The following NPC1 variants were observed in gnomAD, a reference collection of about 807,000 sequenced individuals.
NPC1 encodes Niemann-Pick C1 protein.
A neutral mutation model predicts 140.4 loss-of-function variants in NPC1; 85 were observed. The observed-to-expected ratio is 0.61, with a 90% CI of 0.51 to 0.72. The LOEUF is 0.72. Ranked by LOEUF, NPC1 falls within the 30% of genes least tolerant of loss-of-function variation. The pLI is 0.00. For synonymous variants in NPC1, 656 were observed against 624.8 expected, an observed-to-expected ratio of 1.05 and a Z score of -0.74; for missense variants, 1,504 against 1,623.8, an observed-to-expected ratio of 0.93 and a Z score of 1.27.
downstream of NPC1, chr18:23,528,063 G>T (rs377528902): frequency 9.6e-4 from 554 of 577,426 alleles, 4 homozygotes; most frequent in South Asian, 0.011. Context: ...GATAGTGGAG[G>T]AGTAGTAAAT....
chr18:23,586,385 T>C lies in NPC1; in HGVS notation c.-42A>G, dbSNP rs1401322114. The C allele has an allele frequency of 7.8e-6, 12 of 1,530,420 alleles. No individual in the cohort carries two copies. In the East Asian group the frequency reaches 9.9e-5, roughly 13 times the overall value. 94.8% of individuals were successfully genotyped at this position (1,530,420 alleles called of 1,614,324 possible). A position where few individuals can be genotyped will look rare whatever the true frequency, so the allele number is the denominator to read the frequency against. On this transcript the variant is annotated 5_prime_UTR_variant, in exon 1 of 25. Transcript: ENST00000269228. ...GCTGCTGACGCCGGCGGCGTTCGGC[T>C]GGTTGGGCTCCCCGGAGGCGGCTCT...
At chr18:23,526,498 A>C, downstream of NPC1, 1 of 1,001,308 alleles carries the variant, frequency 1.0e-6, no homozygotes, top group Non-Finnish European at 1.4e-6. Flanking sequence ...TTGGTTAGGA[A>C]GGAAAAGCTA....
intron 1 of NPC1, among the ~76,000 whole-genome samples, chr18:23,580,940 A>T (rs2059349166): frequency 6.6e-6 from 1 of 152,244 alleles, no homozygotes; most frequent in African/African-American, 2.4e-5. Flanking sequence ...ACCTGGCATG[A>T]ACGTATCTAC....
intron 6 of NPC1, among the ~76,000 whole-genome samples, chr18:23,558,329 T>A (rs1018984408): frequency 1.3e-5 from 2 of 152,182 alleles, no homozygotes; most frequent in Non-Finnish European, 2.9e-5. Flanking sequence ...TGATCAAGGT[T>A]AACATCACCA....
chr18:23,558,803 T>C (rs920255313), intron 6 of NPC1, among the ~76,000 whole-genome samples: 1 of 152,214 alleles, frequency 6.6e-6, no homozygotes, highest in Admixed American at 6.5e-5. Context: ...ACGTGTGCCA[T>C]GTTGATGTGT....
chr18:23,556,613 C>G lies in NPC1; in HGVS notation c.956G>C (p.Gly319Ala). The G allele has an allele frequency of 6.2e-7, 1 of 1,613,950 alleles. No homozygotes were observed. The highest frequency in any genetic ancestry group is 8.5e-7 in the Non-Finnish European group (1 of 1,179,946). The change falls in exon 8 of 25, where the codon GGA becomes GCA. Residue 319 changes from glycine (G) to alanine (A), a missense_variant and splice_region_variant. Gly to Ala is a moderately conservative substitution (Grantham distance 60). Transcript: ENST00000269228. Reference sequence around the variant, plus strand: ...GACAGGGTCACAGCAGGACGCCTCTCCTGGAAGAACGGGAGAGGAAGGGAA... The same window carrying G: ...GACAGGGTCACAGCAGGACGCCTCTGCTGGAAGAACGGGAGAGGAAGGGAA... ...IAFSVNASDK[G>A]EASCCDPVSA...
chr18:23,538,790 C>G, intron 19 of NPC1, 119 bp from the exon 20 acceptor site: 1 of 1,062,604 alleles, frequency 9.4e-7, no homozygotes, highest in Non-Finnish European at 1.4e-6. Context: ...ACTTTCCTTA[C>G]TAGTGAGGGA....
intron 3 of NPC1, among the ~76,000 whole-genome samples, chr18:23,514,292 A>G (rs887790489): frequency 6.6e-6 from 1 of 152,160 alleles, no homozygotes; most frequent in Non-Finnish European, 1.5e-5. Flanking sequence ...GAGGTGGGCG[A>G]TCATCTGAGG....
chr18:23,547,918 A>G, intron 11 of NPC1, 88 bp downstream of exon 11: 1 of 843,364 alleles, frequency 1.2e-6, no homozygotes, highest in South Asian at 1.3e-5. Context: ...CCATTGGTTA[A>G]TTTAGAAAAT....
At chr18:23,563,528 C>T (rs1286648533) in intron 4 of NPC1, among the ~76,000 whole-genome samples, 2 of 152,112 alleles carry the variant, frequency 1.3e-5, no homozygotes, top group South Asian at 2.1e-4. Context: ...CTCAAGTGAT[C>T]CTCCCACTTC....
At chr18:23,508,880 A>C (rs1750114741) in intron 3 of NPC1, 1 of 163,270 alleles carries the variant, frequency 6.1e-6, no homozygotes, top group South Asian at 2.0e-4. Context: ...GGTGACTAAG[A>C]ATGTTGGCAG....
At position 23,544,385 on chromosome 18, in the gene NPC1, C is replaced by T; in HGVS notation, c.2089G>A (p.Val697Ile). 1.9e-6 allele frequency: 3 copies of T among 1,614,206 alleles called. No homozygotes were observed. The highest frequency in any genetic ancestry group is 2.5e-6 in the Non-Finnish European group (3 of 1,180,042). The change falls in exon 13 of 25, where the codon GTT becomes ATT. Residue 697 changes from valine to isoleucine, a missense_variant. Physicochemically the swap from Val to Ile is conservative, Grantham distance 29. Transcript: ENST00000269228. Reference sequence around the variant, plus strand: ...AGAATGAAGATGTTGTCCACTCCAACAGCCAGCACCAGGAACGGGATGACT... The same window carrying T: ...AGAATGAAGATGTTGTCCACTCCAATAGCCAGCACCAGGAACGGGATGACT... ...IEVIPFLVLA[V>I]GVDNIFILVQ... is the part of the protein sequence containing the mutation.
intron 1 of NPC1, among the ~76,000 whole-genome samples, chr18:23,577,554 C>T (rs1184523739): frequency 6.6e-5 from 10 of 152,188 alleles, no homozygotes; most frequent in Admixed American, 3.3e-4. Flanking sequence ...ACTCAGAAGC[C>T]CAGCTGGCTT....
At chr18:23,531,398 A>G (rs2058500022), downstream of NPC1, 3 of 810,110 alleles carry the variant, frequency 3.7e-6, no homozygotes, top group Non-Finnish European at 5.3e-6. Flanking sequence ...TTCTAGCTCA[A>G]TGTAAGACGG....
intron 3 of NPC1, chr18:23,507,139 G>A (rs574700133): frequency 1.0e-6 from 1 of 954,018 alleles, no homozygotes; most frequent in East Asian, 2.5e-5. Context: ...CAGTGTTAAA[G>A]GAAACTTTTA....
chr18:23,574,180 A>G (rs541014387), intron 1 of NPC1, among the ~76,000 whole-genome samples: 2 of 152,362 alleles, frequency 1.3e-5, no homozygotes, highest in East Asian at 3.9e-4. Flanking sequence ...AGATTTCTCA[A>G]AAACCACTCA....
At chr18:23,508,056 C>G (rs1453399021) in intron 3 of NPC1, 1 of 1,597,528 alleles carries the variant, frequency 6.3e-7, no homozygotes. Flanking sequence ...GACCCCAGGC[C>G]CTTTCTCAGC....
chr18:23,563,990 T>TTTTG (rs1555639709), intron 4 of NPC1, among the ~76,000 whole-genome samples: 1 of 139,738 alleles, frequency 7.2e-6, no homozygotes, highest in Non-Finnish European at 1.5e-5. Flanking sequence ...AGTAAGAGTT[T>TTTTG]TTTTTTTTTT....
rs773915829 is a variant in NPC1 at position 23,554,994 on chromosome 18, G to C, written c.1327-10C>G. 1.9e-6 allele frequency: 3 copies of C among 1,582,718 alleles called. No individual in the cohort carries two copies. The highest frequency in any genetic ancestry group is 2.6e-6 in the Non-Finnish European group (3 of 1,151,746). ...TTTGTAAGTCAAGAACCTGAAAGAA[G>C]ATTTTAAAAATAAGCAAACCCAGAA... On this transcript the variant is annotated splice_polypyrimidine_tract_variant and intron_variant, in intron 8 of 24. Transcript: ENST00000269228.
Sources: gnomAD v4.1 joint callset for allele counts (sites outside exome capture counted in the v4.1 genomes callset) on GRCh38, gnomAD v4.1.1 for gene constraint, MANE v1.5 for transcripts, NCBI Gene and HGNC (gene_info 2026-07-23, HGNC 2026-07-21) for gene names.